Variants in AFG1L observed in about 807,000 individuals in gnomAD.
AFG1L encodes the protein AFG1 like ATPase, also known as AFG1-like ATPase.
In AFG1L, 53 loss-of-function variants were observed where a neutral mutation model predicts 62.2. That is an observed-to-expected ratio of 0.85 (90% CI 0.68 to 1.07). The LOEUF is 1.07. AFG1L is among the 50% of genes least tolerant of loss of function. AFG1L has a pLI of 0.00. For missense variants in AFG1L, 555 were observed against 590.5 expected, an observed-to-expected ratio of 0.94 and a Z score of 0.62; for synonymous variants, 228 against 210.3, an observed-to-expected ratio of 1.08 and a Z score of -0.73.
intron 7 of AFG1L, among the ~76,000 whole-genome samples, chr6:108,417,266 G>A (rs865997085): frequency 6.6e-5 from 9 of 136,338 alleles, no homozygotes; most frequent in Admixed American, 7.7e-5. Context: ...ACACAGACAC[G>A]CACACACACA....
chr6:108,518,645 TATA>T (rs915117873), intron 11 of AFG1L, among the ~76,000 whole-genome samples: 2 of 152,122 alleles, frequency 1.3e-5, no homozygotes, highest in African/African-American at 4.8e-5. Flanking sequence ...AAACTTAAAG[TATA>T]ATAATAAAAA....
chr6:108,313,843 A>C (rs1777497595), intron 1 of AFG1L, among the ~76,000 whole-genome samples: 1 of 152,136 alleles, frequency 6.6e-6, no homozygotes, highest in African/African-American at 2.4e-5. Flanking sequence ...TCCAGCCCAT[A>C]GATATCTCTT....
rs2114897908 is a variant in AFG1L, at chr6:108,510,367, C to A, written c.1203+15C>A. The A allele has an allele frequency of 6.3e-7, 1 of 1,589,672 alleles. No homozygotes were observed. Among genetic ancestry groups the A allele is most frequent in the Non-Finnish European group, 8.5e-7 (1 of 1,170,218 alleles). ...ATGATCTCAAGGTAAGGATGTAGTA[C>A]ATTTTCTTAAAACTAAACACTTTGT... On this transcript the variant is annotated intron_variant, in intron 11 of 12. Coordinates refer to ENST00000368977, the MANE Select transcript of AFG1L (RefSeq NM_145315.5).
chr6:108,508,355 C>T (rs1774503520), intron 10 of AFG1L, among the ~76,000 whole-genome samples: 1 of 152,240 alleles, frequency 6.6e-6, no homozygotes. Flanking sequence ...TGGAACCCTC[C>T]ATGGCTGAGG....
intron 8 of AFG1L, among the ~76,000 whole-genome samples, chr6:108,470,003 C>T (rs907965893): frequency 6.6e-6 from 1 of 152,174 alleles, no homozygotes; most frequent in African/African-American, 2.4e-5. Flanking sequence ...AGCCTAACTC[C>T]TCACCTGTAC....
At chr6:108,426,007 T>C (rs1770799835) in intron 7 of AFG1L, among the ~76,000 whole-genome samples, 1 of 152,246 alleles carries the variant, frequency 6.6e-6, no homozygotes, top group Non-Finnish European at 1.5e-5. Context: ...GTTGAGCAAA[T>C]ACAATGAAGA....
rs142537651 is a variant in AFG1L, at chr6:108,366,868, G to T, written c.748+536G>T. 5.0e-3 allele frequency among the ~76,000 whole-genome samples: 754 copies of T among 152,178 alleles called. 3 individuals are homozygous for T. Among genetic ancestry groups the T allele is most frequent in the Middle Eastern group, 0.024 (7 of 294 alleles). ...AATCTTGCATCTTTCAGCCCATCAC[G>T]TGCTCAGTTAAAGGTCTAAGAAACC... On this transcript the variant is annotated intron_variant, in intron 6 of 12. Transcript: ENST00000368977.
rs181230519 is a variant in AFG1L at position 108,381,692 on chromosome 6, A to G, written c.748+15360A>G. On this transcript the variant is annotated intron_variant, in intron 6 of 12. Transcript: ENST00000368977. ...TTAGGTACTGCAATAAAATTTTGTTAATTTCATGACATTCCAATAGGGAAA... is the reference window on the plus strand; with the variant it reads ...TTAGGTACTGCAATAAAATTTTGTTGATTTCATGACATTCCAATAGGGAAA... Among the ~76,000 whole-genome samples, 199 of 152,372 alleles carry G rather than the reference A, an allele frequency of 1.3e-3. 1 individual carries two copies. The highest frequency in any genetic ancestry group is 4.5e-3 in the African/African-American group (188 of 41,596).
chr6:108,497,033 G>A (rs1773997307), intron 10 of AFG1L, among the ~76,000 whole-genome samples: 1 of 151,966 alleles, frequency 6.6e-6, no homozygotes, highest in African/African-American at 2.4e-5. Flanking sequence ...TTGCTTTTTG[G>A]TGACATAGTT....
intron 10 of AFG1L, among the ~76,000 whole-genome samples, chr6:108,483,740 GT>G (rs1212234387): frequency 1.3e-5 from 2 of 152,188 alleles, no homozygotes; most frequent in African/African-American, 4.8e-5. Flanking sequence ...ATATGCATGG[GT>G]GTACGCATTG....
At chr6:108,315,837 C>T (rs1777569001) in intron 1 of AFG1L, among the ~76,000 whole-genome samples, 1 of 152,050 alleles carries the variant, frequency 6.6e-6, no homozygotes, top group South Asian at 2.1e-4. Context: ...CGTTTGAGCC[C>T]AGGAGTTTAA....
chr6:108,428,775 T>C (rs888877112), intron 7 of AFG1L, among the ~76,000 whole-genome samples: 1 of 152,220 alleles, frequency 6.6e-6, no homozygotes, highest in Non-Finnish European at 1.5e-5. Context: ...ATTCGTGTTA[T>C]TTTTCAACTT....
At chr6:108,399,190 T>G (rs1332462344) in intron 6 of AFG1L, among the ~76,000 whole-genome samples, 8 of 127,122 alleles carry the variant, frequency 6.3e-5, no homozygotes, top group East Asian at 2.3e-4. Context: ...TTTTTTTTTT[T>G]TTTTTTTTTT....
intron 2 of AFG1L, among the ~76,000 whole-genome samples, chr6:108,346,766 A>G (rs1001145666): frequency 4.6e-5 from 7 of 152,196 alleles, no homozygotes; most frequent in African/African-American, 1.7e-4. Context: ...GTCACCTAGC[A>G]TAATGTCCCC....
At chr6:108,507,291 C>T (rs892844741) in intron 10 of AFG1L, among the ~76,000 whole-genome samples, 1 of 152,100 alleles carries the variant, frequency 6.6e-6, no homozygotes, top group African/African-American at 2.4e-5. Flanking sequence ...CACTGTCTAC[C>T]TCTAGAACTT....
intron 7 of AFG1L, among the ~76,000 whole-genome samples, chr6:108,434,757 A>G (rs1379381549): frequency 6.6e-6 from 1 of 152,170 alleles, no homozygotes; most frequent in Admixed American, 6.5e-5. Flanking sequence ...CTATAGCCCC[A>G]TTTTGGGCCA....
chr6:108,525,555 G>A lies in AFG1L; in HGVS notation c.*3130G>A, dbSNP rs1392925034. The A allele has an allele frequency of 6.6e-6, 1 of 152,192 alleles. No homozygotes were observed. Among genetic ancestry groups the A allele is most frequent in the African/African-American group, 2.4e-5 (1 of 41,448 alleles). The allele number at this position is 152,192 out of a possible 1,614,324, so 9.4% of individuals were successfully genotyped here. A position where few individuals can be genotyped will look rare whatever the true frequency, so the allele number is the denominator to read the frequency against. On this transcript the variant is annotated 3_prime_UTR_variant, in exon 13 of 13. Coordinates refer to ENST00000368977, the MANE Select transcript of AFG1L (RefSeq NM_145315.5). ...AATTTCACTTGTAAAATAAGTGGAT[G>A]TGCTTATATCCATTTATTTATTTAA...
intron 10 of AFG1L, among the ~76,000 whole-genome samples, chr6:108,479,674 C>T (rs909452481): frequency 6.6e-6 from 1 of 152,138 alleles, no homozygotes; most frequent in Admixed American, 6.6e-5. Context: ...TCAGATGTAG[C>T]CTAAAACTCT....
At chr6:108,490,702 A>T (rs192729659) in intron 10 of AFG1L, among the ~76,000 whole-genome samples, 1 of 152,116 alleles carries the variant, frequency 6.6e-6, no homozygotes, top group Non-Finnish European at 1.5e-5. Flanking sequence ...GCACTTCTTA[A>T]TCTCCCCCTT....
Sources: allele counts gnomAD v4.1 joint callset (sites outside exome capture counted in the v4.1 genomes callset), GRCh38; gene constraint gnomAD v4.1.1; transcripts MANE v1.5; gene names NCBI Gene and HGNC (gene_info 2026-07-23, HGNC 2026-07-21).